The following MACC1 variants were observed in gnomAD, a reference collection of about 807,000 sequenced individuals.
MACC1 encodes the protein metastasis-associated in colon cancer protein 1.
MACC1 carries 79 observed loss-of-function variants against 70.7 expected under a neutral mutation model. The observed-to-expected ratio is 1.12, with a 90% CI of 0.93 to 1.35. MACC1 has a LOEUF of 1.35. MACC1 is among the 40% of genes most tolerant of loss of function. The pLI, the probability that MACC1 is intolerant of heterozygous loss-of-function variation, is 0.00. For synonymous variants in MACC1, 361 were observed against 347.2 expected (o/e 1.04, Z -0.44); for missense variants, 1,106 against 978.1 (o/e 1.13, Z -1.74).
At position 20,137,835 on chromosome 7, in the gene MACC1, A is replaced by G. The variant is rs1583373900; in HGVS notation, c.*3111T>C. On this transcript the variant is annotated 3_prime_UTR_variant, in exon 7 of 7. Transcript: ENST00000400331. ...AAAATTAGAATATATTTATACAAAC[A>G]GAATGTTTGGACATGGGCTTAAAAT... is the stretch of plus-strand genomic sequence containing the variant. 1 of 152,196 alleles carries G rather than the reference A, an allele frequency of 6.6e-6. No homozygotes were observed. Among genetic ancestry groups the G allele is most frequent in the Non-Finnish European group, 1.5e-5 (1 of 68,032 alleles). 9.4% of individuals were successfully genotyped at this position (152,196 alleles called of 1,614,324 possible).
intron 1 of MACC1, among the ~76,000 whole-genome samples, chr7:20,206,109 G>T (rs566429015): frequency 1.3e-5 from 2 of 151,302 alleles, no homozygotes; most frequent in South Asian, 2.1e-4. Flanking sequence ...CACTACCCAG[G>T]CCCCTTCTTT....
chr7:20,151,800 C>A (rs1369423446), intron 6 of MACC1, among the ~76,000 whole-genome samples: 1 of 152,032 alleles, frequency 6.6e-6, no homozygotes, highest in Non-Finnish European at 1.5e-5. Flanking sequence ...GAAAAGAGGA[C>A]AAATAAAAAA....
At chr7:20,153,744 C>G (rs1208070531) in intron 6 of MACC1, among the ~76,000 whole-genome samples, 1 of 152,180 alleles carries the variant, frequency 6.6e-6, no homozygotes. Flanking sequence ...TCTACATCCA[C>G]TTTCTTACTA....
intron 1 of MACC1, among the ~76,000 whole-genome samples, chr7:20,183,363 C>T (rs1189940602): frequency 4.6e-5 from 7 of 152,152 alleles, no homozygotes; most frequent in African/African-American, 1.2e-4. Context: ...TTTCCACTAA[C>T]AAAAACAATC....
intron 2 of MACC1, among the ~76,000 whole-genome samples, chr7:20,166,602 A>T (rs1583392405): frequency 1.3e-5 from 2 of 152,350 alleles, no homozygotes; most frequent in East Asian, 3.8e-4. Context: ...AAGACCTGAC[A>T]GGGCAAATGT....
intron 6 of MACC1, among the ~76,000 whole-genome samples, chr7:20,143,075 T>C (rs560862349): frequency 2.0e-5 from 3 of 152,236 alleles, no homozygotes; most frequent in Non-Finnish European, 4.4e-5. Context: ...GGTTGTCCAC[T>C]ACACTACAGA....
At position 20,139,858 on chromosome 7, in the gene MACC1, A is replaced by C. The variant is rs1162283908; in HGVS notation, c.*1088T>G. On this transcript the variant is annotated 3_prime_UTR_variant, in exon 7 of 7. Transcript: ENST00000400331. ...CACACACACACACACACACACACACACACATGTGTTTGCATGAGCATGCCA... is the reference window on the plus strand; with the variant it reads ...CACACACACACACACACACACACACCCACATGTGTTTGCATGAGCATGCCA... 5.4e-5 allele frequency: 8 copies of C among 149,514 alleles called. No individual in the cohort carries two copies. 9.3% of individuals were successfully genotyped at this position (149,514 alleles called of 1,614,324 possible). A position where few individuals can be genotyped will look rare whatever the true frequency, so the allele number is the denominator to read the frequency against.
At chr7:20,195,869 C>G (rs1782744202) in intron 1 of MACC1, among the ~76,000 whole-genome samples, 2 of 152,290 alleles carry the variant, frequency 1.3e-5, no homozygotes, top group South Asian at 4.1e-4. Flanking sequence ...GTGACTTAAC[C>G]TTGCCTGGCA....
intron 1 of MACC1, among the ~76,000 whole-genome samples, chr7:20,194,088 G>C (rs149789243): frequency 2.6e-5 from 4 of 151,962 alleles, no homozygotes; most frequent in African/African-American, 9.7e-5. Flanking sequence ...AAAATGAGGG[G>C]GTTTCCACCA....
intron 1 of MACC1, among the ~76,000 whole-genome samples, chr7:20,203,341 C>T (rs1269937128): frequency 6.6e-6 from 1 of 152,204 alleles, no homozygotes; most frequent in East Asian, 1.9e-4. Context: ...ACTGCTGCTA[C>T]TGAGGGCTCC....
At chr7:20,216,880 G>C (rs1159079456) in intron 1 of MACC1, among the ~76,000 whole-genome samples, 1 of 152,076 alleles carries the variant, frequency 6.6e-6, no homozygotes, top group Non-Finnish European at 1.5e-5. Flanking sequence ...ATAAGCAGTG[G>C]GGCTGCTGAT....
chr7:20,163,266 G>C (rs964986750), intron 3 of MACC1, among the ~76,000 whole-genome samples: 9 of 152,134 alleles, frequency 5.9e-5, no homozygotes, highest in African/African-American at 1.7e-4. Flanking sequence ...TTTTAGTCTA[G>C]TAACACCAAT....
Position 20,140,852 on chromosome 7 carries a change from CAGACACACAG to C in MACC1, c.*84_*93del, listed in dbSNP as rs1391974486. 2.4e-5 allele frequency: 21 copies of C among 873,946 alleles called. No homozygotes were observed. In the East Asian group the frequency reaches 3.5e-4, roughly 15 times the overall value. The allele number at this position is 873,946 out of a possible 1,614,324, so 54.1% of individuals were successfully genotyped here. A position where few individuals can be genotyped will look rare whatever the true frequency, so the allele number is the denominator to read the frequency against. ...ACACACACACACAGACACACACACA[CAGACACACAG>C]AGACACACACAGACACACACAGACA... On this transcript the variant is annotated 3_prime_UTR_variant, in exon 7 of 7. Transcript: ENST00000400331.
intron 1 of MACC1, among the ~76,000 whole-genome samples, chr7:20,173,061 A>C (rs375656680): frequency 6.6e-6 from 1 of 152,220 alleles, no homozygotes; most frequent in African/African-American, 2.4e-5. Context: ...ATTCCTCTGC[A>C]TCAAAATCAA....
chr7:20,166,019 G>A (rs186761332), intron 2 of MACC1, among the ~76,000 whole-genome samples: 2 of 152,128 alleles, frequency 1.3e-5, no homozygotes, highest in Admixed American at 6.5e-5. Flanking sequence ...AAGTAACCAA[G>A]AAAACAATAC....
At chr7:20,181,242 T>A (rs924560401) in intron 1 of MACC1, among the ~76,000 whole-genome samples, 4 of 152,100 alleles carry the variant, frequency 2.6e-5, no homozygotes, top group Non-Finnish European at 5.9e-5. Context: ...AACAAAACTT[T>A]TAGTGATAAA....
intron 6 of MACC1, among the ~76,000 whole-genome samples, chr7:20,149,166 C>A (rs1171177816): frequency 6.6e-6 from 1 of 152,118 alleles, no homozygotes; most frequent in Non-Finnish European, 1.5e-5. Flanking sequence ...GACTTTATCT[C>A]ATTTTTTTCC....
At chr7:20,215,529 T>C (rs1783056829) in intron 1 of MACC1, among the ~76,000 whole-genome samples, 1 of 152,242 alleles carries the variant, frequency 6.6e-6, no homozygotes, top group Non-Finnish European at 1.5e-5. Context: ...TCTAATTCTA[T>C]CCTGGACTTG....
chr7:20,207,482 TCTC>T (rs1352335169), intron 1 of MACC1, among the ~76,000 whole-genome samples: 1 of 152,078 alleles, frequency 6.6e-6, no homozygotes, highest in Non-Finnish European at 1.5e-5. Flanking sequence ...GGACTTTCCT[TCTC>T]CTCTATAATA....
Sources: allele counts gnomAD v4.1 joint callset (sites outside exome capture counted in the v4.1 genomes callset), GRCh38; gene constraint gnomAD v4.1.1; transcripts MANE v1.5; gene names NCBI Gene and HGNC (gene_info 2026-07-23, HGNC 2026-07-21).